The following NTPCR variants were observed in gnomAD, a reference collection of about 807,000 sequenced individuals.
The protein encoded by NTPCR is nucleoside-triphosphatase, cancer-related, also known as cancer-related nucleoside-triphosphatase.
A neutral mutation model predicts 19.5 loss-of-function variants in NTPCR; 15 were observed. The observed-to-expected ratio is 0.77, with a 90% CI of 0.51 to 1.18. The LOEUF is 1.18. NTPCR is among the 50% of genes most tolerant of loss of function. The probability of loss-of-function intolerance (pLI) is 0.00; values close to 1 mark genes in which losing one functional copy is unlikely to be tolerated. For synonymous variants in NTPCR, 90 were observed against 95.8 expected (o/e 0.94, Z 0.36); for missense variants, 206 against 240.4 (o/e 0.86, Z 0.95).
chr1:232,953,729 C>A (rs1423054760), intron 1 of NTPCR, among the ~76,000 whole-genome samples: 1 of 151,552 alleles, frequency 6.6e-6, no homozygotes, highest in Non-Finnish European at 1.5e-5. Context: ...TCTGTAGACA[C>A]GTACTTGACC....
rs1669312958 is a variant in NTPCR, at chr1:232,982,631, T to C, written c.*4400T>C. 1.3e-5 allele frequency: 2 copies of C among 152,258 alleles called. No homozygotes were observed. The highest frequency in any genetic ancestry group is 4.8e-5 in the African/African-American group (2 of 41,466). 9.4% of individuals were successfully genotyped at this position (152,258 alleles called of 1,614,324 possible). ...TCTTGCTCTCTTGCCTGCGCTGCCA[T>C]TTCCTTCCAGCCTGGGTTTCTAGCT... On this transcript the variant is annotated 3_prime_UTR_variant, in exon 5 of 5. Transcript: ENST00000366628.
At chr1:232,951,428 A>G (rs1668362986) in intron 1 of NTPCR, among the ~76,000 whole-genome samples, 1 of 152,152 alleles carries the variant, frequency 6.6e-6, no homozygotes, top group African/African-American at 2.4e-5. Context: ...TCATCTGAGA[A>G]GCAGGATAGC....
intron 3 of NTPCR, 114 bp from the exon 4 acceptor site, chr1:232,969,795 G>C (rs1299000444): frequency 2.2e-5 from 19 of 849,562 alleles, no homozygotes; most frequent in Non-Finnish European, 3.2e-5. Context: ...TTGAAATCCA[G>C]TAAAAAGGTT....
At chr1:232,962,556 A>G (rs1010872468) in intron 3 of NTPCR, 23 of 152,218 alleles carry the variant, frequency 1.5e-4, no homozygotes, top group African/African-American at 3.9e-4. Context: ...TGTAAGATGT[A>G]ACATTTTATT....
chr1:232,972,426 C>T (rs770226303), intron 4 of NTPCR, among the ~76,000 whole-genome samples: 6 of 144,706 alleles, frequency 4.1e-5, no homozygotes, highest in Non-Finnish European at 9.1e-5. Flanking sequence ...AAATCAAGAA[C>T]CTCATTTTCT....
intron 4 of NTPCR, among the ~76,000 whole-genome samples, chr1:232,972,552 A>G (rs1669013051): frequency 6.6e-6 from 1 of 152,014 alleles, no homozygotes; most frequent in African/African-American, 2.4e-5. Context: ...CAGCCTCCCA[A>G]AAAGCTGGGA....
intron 4 of NTPCR, among the ~76,000 whole-genome samples, chr1:232,977,835 G>A (rs758724156): frequency 6.6e-5 from 10 of 152,140 alleles, no homozygotes; most frequent in South Asian, 2.1e-4. Context: ...AGGACAGGTC[G>A]TGCTCAGGGG....
At chr1:232,976,593 G>A in intron 4 of NTPCR, 1 of 1,441,282 alleles carries the variant, frequency 6.9e-7, no homozygotes, top group Non-Finnish European at 9.1e-7. Context: ...TATAGGCTTT[G>A]GAGCTGTCCC....
chr1:232,979,480 C>G lies in NTPCR; in HGVS notation c.*1249C>G, dbSNP rs1265363663. 6.6e-6 allele frequency: 1 copy of G among 152,490 alleles called. No homozygotes were observed. The highest frequency in any genetic ancestry group is 1.5e-5 in the Non-Finnish European group (1 of 68,316). The allele number at this position is 152,490 out of a possible 1,614,324, so 9.4% of individuals were successfully genotyped here. On this transcript the variant is annotated 3_prime_UTR_variant, in exon 5 of 5. Coordinates refer to ENST00000366628, the MANE Select transcript of NTPCR (RefSeq NM_032324.3). This position sits in a 1 kb window ranked among gnomAD's most constrained non-coding sequence, Gnocchi z 5.3. ...AGGTCTGGTTCCTCCATCAGTGTCT[C>G]TTTCCTCAGCGCTTTTCTTCCGAGG... is the stretch of plus-strand genomic sequence containing the variant.
chr1:232,973,582 T>C (rs1172497224), intron 4 of NTPCR, among the ~76,000 whole-genome samples: 4 of 152,160 alleles, frequency 2.6e-5, no homozygotes, highest in Non-Finnish European at 5.9e-5. Context: ...CATCAGCAGA[T>C]CTCAACAGCA....
In NTPCR at chr1:232,982,957, C is replaced by A. The variant is rs1397819459; in HGVS notation, c.*4726C>A. On this transcript the variant is annotated 3_prime_UTR_variant, in exon 5 of 5. Coordinates refer to ENST00000366628, the MANE Select transcript of NTPCR (RefSeq NM_032324.3). ...CAGCTTCCCATTAGACAAACAACTG[C>A]ATTTAAATTAAATAAAGTTTGCACC... is the stretch of plus-strand genomic sequence containing the variant. 6.6e-6 allele frequency: 1 copy of A among 152,158 alleles called. No homozygotes were observed. Among genetic ancestry groups the A allele is most frequent in the African/African-American group, 2.4e-5 (1 of 41,424 alleles). The allele number at this position is 152,158 out of a possible 1,614,324, so 9.4% of individuals were successfully genotyped here.
At chr1:232,972,451 A>G (rs577282405) in intron 4 of NTPCR, among the ~76,000 whole-genome samples, 1 of 148,450 alleles carries the variant, frequency 6.7e-6, no homozygotes, top group East Asian at 2.1e-4. Flanking sequence ...TTCTGAGACA[A>G]GGTTAGTCTC....
rs776313643 is a variant in NTPCR at position 232,950,725 on chromosome 1, G to A, written c.15G>A (p.Val5=). Residue 5 remains valine, a synonymous_variant, in exon 1 of 5, where the codon GTG becomes GTA. Transcript: ENST00000366628. ...CGCCCACCAGTATGGCCCGGCACGT[G>A]TTCCTAACGGGGCCCCCAGGTAACC... MARH[V]FLTGPPGVGK... The A allele has an allele frequency of 1.0e-5, 16 of 1,603,816 alleles. No individual in the cohort carries two copies. The highest frequency in any genetic ancestry group is 1.4e-5 in the Non-Finnish European group (16 of 1,174,624).
rs569281377 is a variant in NTPCR at position 232,983,320 on chromosome 1, G to C, written c.*5089G>C. ...CCCAGCAAGGATACAGGTTCCTGGGGTCTTGAAGATGGGAAAAGTTGTCTC... is the reference window on the plus strand; with the variant it reads ...CCCAGCAAGGATACAGGTTCCTGGGCTCTTGAAGATGGGAAAAGTTGTCTC... On this transcript the variant is annotated 3_prime_UTR_variant, in exon 5 of 5. Coordinates refer to ENST00000366628, the MANE Select transcript of NTPCR (RefSeq NM_032324.3). 3 of 152,346 alleles carry C rather than the reference G, an allele frequency of 2.0e-5. No homozygotes were observed. The South Asian group carries it at 6.2e-4, about 32-fold the overall frequency. 9.4% of individuals were successfully genotyped at this position (152,346 alleles called of 1,614,324 possible). A position where few individuals can be genotyped will look rare whatever the true frequency, so the allele number is the denominator to read the frequency against.
chr1:232,973,816 T>C (rs922191748), intron 4 of NTPCR, among the ~76,000 whole-genome samples: 2 of 152,068 alleles, frequency 1.3e-5, no homozygotes, highest in African/African-American at 4.8e-5. Flanking sequence ...AGAATAGAGA[T>C]GACAGGAGAA....
At chr1:232,956,533 T>A in intron 3 of NTPCR, 90 bp downstream of exon 3, 1 of 845,968 alleles carries the variant, frequency 1.2e-6, no homozygotes, top group Non-Finnish European at 2.0e-6. Flanking sequence ...CTTTTGCTCT[T>A]AAAGGCCCCA....
At chr1:232,968,673 G>C (rs1238126811) in intron 3 of NTPCR, 1 of 152,212 alleles carries the variant, frequency 6.6e-6, no homozygotes, top group African/African-American at 2.4e-5. Context: ...TGCTGCTTTG[G>C]CTTTTGGAAT....
chr1:232,977,865 G>T (rs1009181761), intron 4 of NTPCR, among the ~76,000 whole-genome samples: 1 of 152,112 alleles, frequency 6.6e-6, no homozygotes, highest in Admixed American at 6.5e-5. Context: ...CCCATCATCC[G>T]TCCCGGTGTG....
At chr1:232,976,617 A>G in intron 4 of NTPCR, 1 of 1,426,380 alleles carries the variant, frequency 7.0e-7, no homozygotes, top group Non-Finnish European at 9.2e-7. Flanking sequence ...AAGCCAAAGG[A>G]AAAGCTGACT....
Sources: allele counts gnomAD v4.1 joint callset (sites outside exome capture counted in the v4.1 genomes callset), GRCh38; gene constraint gnomAD v4.1.1; non-coding constraint Gnocchi (gnomAD v3.1); transcripts MANE v1.5; gene names NCBI Gene and HGNC (gene_info 2026-07-23, HGNC 2026-07-21).